The following KIAA1958 variants were observed in gnomAD, a reference collection of about 807,000 sequenced individuals.
KIAA1958 encodes KIAA1958.
A neutral mutation model predicts 47.2 loss-of-function variants in KIAA1958; 14 were observed. The observed-to-expected ratio is 0.30, with a 90% CI of 0.20 to 0.46. The LOEUF (loss-of-function observed/expected upper bound fraction) is 0.46. KIAA1958 is among the 20% of genes least tolerant of loss of function. The probability of loss-of-function intolerance (pLI) is 1.00; values close to 1 mark genes in which losing one functional copy is unlikely to be tolerated. For missense variants in KIAA1958, 803 were observed against 909.2 expected, an observed-to-expected ratio of 0.88 and a Z score of 1.50; for synonymous variants, 354 against 353.3, an observed-to-expected ratio of 1.00 and a Z score of -0.02.
Position 112,663,110 on chromosome 9 carries a change from C to A in KIAA1958, c.*3041C>A, listed in dbSNP as rs1477418953. On this transcript the variant is annotated 3_prime_UTR_variant, in exon 4 of 4. Transcript: ENST00000337530. ...CAGGTTGACTGAAGCACAAGTTGCC[C>A]CTGGGCTCTGTGTCAAGGCTGGTGG... 1 of 152,154 alleles carries A rather than the reference C, an allele frequency of 6.6e-6. No homozygotes were observed. Among genetic ancestry groups the A allele is most frequent in the Non-Finnish European group, 1.5e-5 (1 of 68,062 alleles). The allele number at this position is 152,154 out of a possible 1,614,324, so 9.4% of individuals were successfully genotyped here. A position where few individuals can be genotyped will look rare whatever the true frequency, so the allele number is the denominator to read the frequency against.
rs1837247061 is a variant in KIAA1958, at chr9:112,660,011, C to T, written c.2093C>T (p.Thr698Ile). The change falls in exon 4 of 4, where the codon ACC becomes ATC. Residue 698 changes from threonine to isoleucine, a missense_variant. This residue lies in a region of KIAA1958 where 761 missense variants were observed against 829.3 expected (regional missense o/e 0.92). Coordinates refer to ENST00000337530, the MANE Select transcript of KIAA1958 (RefSeq NM_133465.4). ...KVKLENCENFTFVSFTQVSRR... is the reference protein window; with the variant it reads ...KVKLENCENFIFVSFTQVSRR... ...AAGCTGGAAAACTGTGAGAACTTCA[C>T]CTTTGTCTCGTTCACTCAGGTCTCC... is the stretch of plus-strand genomic sequence containing the variant. The T allele has an allele frequency of 1.2e-6, 2 of 1,614,052 alleles. No homozygotes were observed.
intron 1 of KIAA1958, among the ~76,000 whole-genome samples, chr9:112,558,436 A>G (rs1466633174): frequency 2.0e-5 from 3 of 152,162 alleles, no homozygotes; most frequent in Non-Finnish European, 2.9e-5. Context: ...AGGGACCATA[A>G]TACCAAATTA....
At chr9:112,596,797 G>A (rs567768816) in intron 2 of KIAA1958, among the ~76,000 whole-genome samples, 1 of 152,164 alleles carries the variant, frequency 6.6e-6, no homozygotes, top group South Asian at 2.1e-4. Flanking sequence ...TTTGCTTTAT[G>A]TGCCATACAT....
chr9:112,644,439 C>T (rs1836943826), intron 2 of KIAA1958, among the ~76,000 whole-genome samples: 1 of 152,150 alleles, frequency 6.6e-6, no homozygotes, highest in South Asian at 2.1e-4. Flanking sequence ...CCAGTTAGCA[C>T]CTTGTTTGAA....
At chr9:112,568,434 C>G (rs1285163190) in intron 1 of KIAA1958, among the ~76,000 whole-genome samples, 1 of 152,182 alleles carries the variant, frequency 6.6e-6, no homozygotes, top group Non-Finnish European at 1.5e-5. Flanking sequence ...ACAGACAGTG[C>G]TTACACACAG....
At chr9:112,606,022 T>C (rs766443601) in intron 2 of KIAA1958, among the ~76,000 whole-genome samples, 1 of 152,236 alleles carries the variant, frequency 6.6e-6, no homozygotes. Context: ...TATCCATCTC[T>C]GTAGACCCAG....
At chr9:112,591,003 G>T (rs1835910256) in intron 2 of KIAA1958, among the ~76,000 whole-genome samples, 1 of 152,158 alleles carries the variant, frequency 6.6e-6, no homozygotes, top group African/African-American at 2.4e-5. Flanking sequence ...GTTACTCCTG[G>T]TGGTGATAAG....
At chr9:112,612,706 A>C (rs1836346637) in intron 2 of KIAA1958, among the ~76,000 whole-genome samples, 1 of 152,344 alleles carries the variant, frequency 6.6e-6, no homozygotes, top group South Asian at 2.1e-4. Context: ...TGGGAGTATA[A>C]GTTAGTTCAA....
At chr9:112,617,431 T>C (rs1015524450) in intron 2 of KIAA1958, among the ~76,000 whole-genome samples, 1 of 152,238 alleles carries the variant, frequency 6.6e-6, no homozygotes, top group Non-Finnish European at 1.5e-5. Context: ...GATATTTTAG[T>C]TTAATTCAAT....
chr9:112,604,234 T>C (rs1836186349), intron 2 of KIAA1958, among the ~76,000 whole-genome samples: 2 of 152,208 alleles, frequency 1.3e-5, no homozygotes, highest in African/African-American at 4.8e-5. Context: ...TAATGGGGCA[T>C]GGAGACTATG....
intron 2 of KIAA1958, among the ~76,000 whole-genome samples, chr9:112,603,338 T>G (rs151071565): frequency 6.6e-6 from 1 of 152,190 alleles, no homozygotes; most frequent in Non-Finnish European, 1.5e-5. Context: ...GGCTATCCCA[T>G]TGGTCTAGCT....
intron 2 of KIAA1958, among the ~76,000 whole-genome samples, chr9:112,583,275 T>G (rs1325183156): frequency 6.6e-6 from 1 of 152,108 alleles, no homozygotes; most frequent in African/African-American, 2.4e-5. Context: ...GAGATGCAAA[T>G]TAAAACAACA....
At chr9:112,503,085 A>G (rs1834172103) in intron 1 of KIAA1958, among the ~76,000 whole-genome samples, 1 of 152,154 alleles carries the variant, frequency 6.6e-6, no homozygotes, top group South Asian at 2.1e-4. Context: ...GAAGAAACAA[A>G]ATAAATAAGT....
chr9:112,538,522 G>T (rs1436951986), intron 1 of KIAA1958, among the ~76,000 whole-genome samples: 1 of 152,138 alleles, frequency 6.6e-6, no homozygotes, highest in Non-Finnish European at 1.5e-5. Flanking sequence ...AAGCAGAACA[G>T]CATTAGACAA....
chr9:112,541,460 A>G (rs1767882299), intron 1 of KIAA1958, among the ~76,000 whole-genome samples: 1 of 152,212 alleles, frequency 6.6e-6, no homozygotes, highest in Admixed American at 6.5e-5. Flanking sequence ...TCTTACATTC[A>G]GGCAAAAACC....
At chr9:112,563,085 C>CTCTATATA (rs10655286) in intron 1 of KIAA1958, among the ~76,000 whole-genome samples, 8,986 of 131,402 alleles carry the variant, frequency 0.068, 388 homozygotes, top group South Asian at 0.12. Flanking sequence ...CTCTCTCTCT[C>CTCTATATA]TATATATATA....
intron 2 of KIAA1958, among the ~76,000 whole-genome samples, chr9:112,591,029 A>G (rs1289515334): frequency 2.6e-5 from 4 of 152,152 alleles, no homozygotes; most frequent in African/African-American, 9.7e-5. Context: ...GAAGGGCTGT[A>G]ACTCATGAGC....
At chr9:112,531,356 C>G (rs920928280) in intron 1 of KIAA1958, among the ~76,000 whole-genome samples, 6 of 152,126 alleles carry the variant, frequency 3.9e-5, no homozygotes, top group Non-Finnish European at 8.8e-5. Context: ...CCATTGCACT[C>G]CAGCCTGGGC....
At chr9:112,536,428 C>T (rs937082305) in intron 1 of KIAA1958, among the ~76,000 whole-genome samples, 32 of 152,092 alleles carry the variant, frequency 2.1e-4, no homozygotes, top group Admixed American at 1.8e-3. Context: ...TTGCAGGCTA[C>T]GTGGCTTGCA....
Sources: allele counts gnomAD v4.1 joint callset (sites outside exome capture counted in the v4.1 genomes callset), GRCh38; gene constraint gnomAD v4.1.1; regional missense constraint gnomAD v4.1.1; transcripts MANE v1.5; gene names NCBI Gene and HGNC (gene_info 2026-07-23, HGNC 2026-07-21).